The following TRPM3 variants were observed in gnomAD, a reference collection of about 807,000 sequenced individuals.
TRPM3 encodes the protein long transient receptor potential channel 3.
In TRPM3, 77 loss-of-function variants were observed where a neutral mutation model predicts 181.2. The observed-to-expected ratio is 0.42, with a 90% CI of 0.35 to 0.51. The LOEUF (loss-of-function observed/expected upper bound fraction) is 0.51, where lower values mean the gene tolerates loss of function less well. Ranked by LOEUF, TRPM3 falls within the 20% of genes least tolerant of loss-of-function variation. The pLI is 0.01. For missense variants in TRPM3, 1,759 were observed against 2,196.7 expected, an observed-to-expected ratio of 0.80 and a Z score of 3.98; for synonymous variants, 745 against 796.4, an observed-to-expected ratio of 0.94 and a Z score of 1.09.
At chr9:70,964,500 T>C (rs956080292) in intron 1 of TRPM3, among the ~76,000 whole-genome samples, 4 of 152,078 alleles carry the variant, frequency 2.6e-5, no homozygotes, top group African/African-American at 9.7e-5. Flanking sequence ...GATAACTGGT[T>C]GGGACAGCAA....
At chr9:71,235,639 A>G (rs953955296) in intron 1 of TRPM3, among the ~76,000 whole-genome samples, 1 of 152,216 alleles carries the variant, frequency 6.6e-6, no homozygotes, top group Non-Finnish European at 1.5e-5. Flanking sequence ...CTTTGGTGAT[A>G]TAATTTCAGT....
chr9:71,321,788 T>C (rs1345351183), intron 1 of TRPM3, among the ~76,000 whole-genome samples: 1 of 152,120 alleles, frequency 6.6e-6, no homozygotes. Context: ...CAAATACTTA[T>C]TGAGCAATTA....
At chr9:70,562,751 AG>A (rs969025417) in intron 22 of TRPM3, among the ~76,000 whole-genome samples, 6 of 152,276 alleles carry the variant, frequency 3.9e-5, no homozygotes, top group African/African-American at 1.4e-4. Flanking sequence ...TTATTTGAAG[AG>A]GGCTTCAAAA....
intron 1 of TRPM3, among the ~76,000 whole-genome samples, chr9:71,045,073 G>A (rs1407970438): frequency 6.6e-6 from 1 of 151,134 alleles, no homozygotes. Flanking sequence ...TAATACTCCT[G>A]TAGTTTTATT....
chr9:71,326,056 C>T (rs1028598073), intron 1 of TRPM3, among the ~76,000 whole-genome samples: 1 of 152,072 alleles, frequency 6.6e-6, no homozygotes, highest in African/African-American at 2.4e-5. Context: ...ATATTTCATC[C>T]AAATTTAGTA....
chr9:71,202,828 T>C (rs774799643), intron 1 of TRPM3, among the ~76,000 whole-genome samples: 21 of 152,188 alleles, frequency 1.4e-4, no homozygotes, highest in African/African-American at 1.2e-4. Context: ...GCTTACCTCA[T>C]AGAGGTGTTA....
In TRPM3 at chr9:70,937,001, G is replaced by T. The variant is rs555051567; in HGVS notation, c.178-72490C>A. Reference sequence around the variant, plus strand: ...CTTTCCAAAGCAAACTTAGCCTATTGCATAAATGATTGTATACTTTTGTTC... The same window carrying T: ...CTTTCCAAAGCAAACTTAGCCTATTTCATAAATGATTGTATACTTTTGTTC... On this transcript the variant is annotated intron_variant, in intron 1 of 25. Coordinates refer to ENST00000677713, the MANE Select transcript of TRPM3 (RefSeq NM_001366145.2). Among the ~76,000 whole-genome samples the T allele has an allele frequency of 3.3e-5, 5 of 152,218 alleles. No homozygotes were observed. The South Asian group carries it at 1.0e-3, about 32-fold the overall frequency.
At chr9:70,603,502 G>T (rs1213223536) in intron 19 of TRPM3, 32 bp from the exon 20 acceptor site, 1 of 1,609,292 alleles carries the variant, frequency 6.2e-7, no homozygotes, top group African/African-American at 1.3e-5. Context: ...TGCTCTGGCT[G>T]TTCAGGCCCA....
intron 1 of TRPM3, among the ~76,000 whole-genome samples, chr9:71,349,895 C>T (rs969692502): frequency 6.6e-6 from 1 of 151,114 alleles, no homozygotes; most frequent in African/African-American, 2.4e-5. Context: ...TCCATCACTC[C>T]ATCATAATAG....
At chr9:70,812,477 G>A (rs111710672) in intron 6 of TRPM3, among the ~76,000 whole-genome samples, 11 of 152,288 alleles carry the variant, frequency 7.2e-5, no homozygotes, top group African/African-American at 2.6e-4. Context: ...TCAATAGTTT[G>A]TAAAATGGCC....
intron 1 of TRPM3, among the ~76,000 whole-genome samples, chr9:71,042,717 T>C (rs1173180114): frequency 6.6e-6 from 1 of 152,204 alleles, no homozygotes; most frequent in African/African-American, 2.4e-5. Flanking sequence ...TTGATTACAT[T>C]TGGGTAACTC....
intron 12 of TRPM3, 145 bp downstream of exon 12, chr9:70,635,060 TACACAC>T: frequency 4.0e-5 from 22 of 546,346 alleles, no homozygotes; most frequent in South Asian, 1.7e-4. Flanking sequence ...AAAAGACACA[TACACAC>T]ACACACACAC....
chr9:71,334,341 A>G (rs1253649079), intron 1 of TRPM3, among the ~76,000 whole-genome samples: 1 of 151,842 alleles, frequency 6.6e-6, no homozygotes, highest in Non-Finnish European at 1.5e-5. Flanking sequence ...TCCATTTTTA[A>G]ATGTGAAAGA....
chr9:71,199,577 C>G (rs2078638350), intron 1 of TRPM3, among the ~76,000 whole-genome samples: 1 of 152,138 alleles, frequency 6.6e-6, no homozygotes, highest in South Asian at 2.1e-4. Context: ...TTCAGAGATT[C>G]AACTTCTTCC....
rs2041152661 is a variant in TRPM3, at chr9:70,533,369, G to C, written c.*2584C>G. The C allele has an allele frequency of 6.6e-6, 1 of 152,128 alleles. No individual in the cohort carries two copies. Among genetic ancestry groups the C allele is most frequent in the Non-Finnish European group, 1.5e-5 (1 of 68,030 alleles). The allele number at this position is 152,128 out of a possible 1,614,324, so 9.4% of individuals were successfully genotyped here. A position where few individuals can be genotyped will look rare whatever the true frequency, so the allele number is the denominator to read the frequency against. On this transcript the variant is annotated 3_prime_UTR_variant, in exon 26 of 26. Transcript: ENST00000677713. ...TGTTAGGATGTAAGTGCATTAAATT[G>C]GCAACATCTAATTTAAAGAACAAAA...
chr9:70,650,930 T>A (rs1272491961), intron 9 of TRPM3, among the ~76,000 whole-genome samples: 2 of 152,218 alleles, frequency 1.3e-5, no homozygotes, highest in Non-Finnish European at 2.9e-5. Context: ...TTCAATAAGA[T>A]TAAAAATTTT....
chr9:70,945,089 G>T (rs1363877368), intron 1 of TRPM3, among the ~76,000 whole-genome samples: 1 of 152,136 alleles, frequency 6.6e-6, no homozygotes, highest in African/African-American at 2.4e-5. Context: ...CTGGGCATAG[G>T]TAGGTTTTCA....
chr9:70,542,935 G>A (rs750013385), intron 25 of TRPM3, among the ~76,000 whole-genome samples: 4 of 152,164 alleles, frequency 2.6e-5, no homozygotes, highest in Non-Finnish European at 5.9e-5. Context: ...GTCCTTTGGG[G>A]TCACCTACCC....
At chr9:70,584,071 G>A (rs886239893) in intron 22 of TRPM3, among the ~76,000 whole-genome samples, 1 of 151,924 alleles carries the variant, frequency 6.6e-6, no homozygotes, top group African/African-American at 2.4e-5. Context: ...ACAGGGTCTT[G>A]CTCTGTTGCC....
Sources: gnomAD v4.1 joint callset for allele counts (sites outside exome capture counted in the v4.1 genomes callset) on GRCh38, gnomAD v4.1.1 for gene constraint, MANE v1.5 for transcripts, NCBI Gene and HGNC (gene_info 2026-07-23, HGNC 2026-07-21) for gene names.